Variants in IMMP2L observed in about 807,000 individuals in gnomAD.
IMMP2L encodes the protein inner mitochondrial membrane peptidase subunit 2.
IMMP2L carries 18 observed loss-of-function variants against 19.3 expected under a neutral mutation model. That is an observed-to-expected ratio of 0.93 (90% CI 0.64 to 1.38). The LOEUF is 1.38. IMMP2L is among the 40% of genes most tolerant of loss of function. IMMP2L has a pLI of 0.00. For synonymous variants in IMMP2L, 76 were observed against 73.0 expected (o/e 1.04, Z -0.21); for missense variants, 233 against 218.2 (o/e 1.07, Z -0.43).
chr7:110,699,508 G>A (rs958391072), intron 5 of IMMP2L, among the ~76,000 whole-genome samples: 10 of 151,938 alleles, frequency 6.6e-5, no homozygotes, highest in Non-Finnish European at 1.2e-4. Context: ...GCAGTGGCTC[G>A]CGCCTTAATT....
In IMMP2L at chr7:111,395,198, C is replaced by A. The variant is rs192595369; in HGVS notation, c.239+92040G>T. Among the ~76,000 whole-genome samples, 53 of 152,296 alleles carry A rather than the reference C, an allele frequency of 3.5e-4. 1 individual carries two copies. Among genetic ancestry groups the A allele is most frequent in the African/African-American group, 1.1e-3 (47 of 41,570 alleles). On this transcript the variant is annotated intron_variant, in intron 3 of 5. Coordinates refer to ENST00000405709, the MANE Select transcript of IMMP2L (RefSeq NM_032549.4). Reference sequence around the variant, plus strand: ...GCCAAAGGAGTCAAGAGTAGTCAGACAGAGCAGGTGTGGCCAATTGCCTCA... The same window carrying A: ...GCCAAAGGAGTCAAGAGTAGTCAGAAAGAGCAGGTGTGGCCAATTGCCTCA...
At chr7:111,071,446 T>C (rs1304931910) in intron 3 of IMMP2L, among the ~76,000 whole-genome samples, 4 of 152,120 alleles carry the variant, frequency 2.6e-5, no homozygotes, top group Non-Finnish European at 1.5e-5. Context: ...TGAATGTTCA[T>C]AGCCGCACTA....
At chr7:110,734,179 A>G (rs1341410645) in intron 5 of IMMP2L, among the ~76,000 whole-genome samples, 1 of 152,232 alleles carries the variant, frequency 6.6e-6, no homozygotes, top group East Asian at 1.9e-4. Flanking sequence ...TGAGAGCTCA[A>G]AGAAGAAGAG....
At chr7:111,391,829 C>T (rs1026343478) in intron 3 of IMMP2L, 32 of 701,596 alleles carry the variant, frequency 4.6e-5, no homozygotes, top group African/African-American at 8.7e-5. Flanking sequence ...TATGACAACA[C>T]GACCATACCT....
At chr7:111,250,416 T>C (rs1208518043) in intron 3 of IMMP2L, among the ~76,000 whole-genome samples, 1 of 152,186 alleles carries the variant, frequency 6.6e-6, no homozygotes, top group Admixed American at 6.5e-5. Flanking sequence ...TTAAAATTCA[T>C]ATGAAACCCA....
chr7:110,840,386 T>C (rs2131443160), intron 5 of IMMP2L, among the ~76,000 whole-genome samples: 1 of 152,280 alleles, frequency 6.6e-6, no homozygotes, highest in East Asian at 1.9e-4. Flanking sequence ...ACAGATGATC[T>C]ATTAAGGCTC....
At chr7:110,836,293 A>G (rs564630676) in intron 5 of IMMP2L, among the ~76,000 whole-genome samples, 1 of 152,212 alleles carries the variant, frequency 6.6e-6, no homozygotes, top group Non-Finnish European at 1.5e-5. Flanking sequence ...GTATTGTCAT[A>G]AATTGGGGGG....
At chr7:111,377,857 T>A (rs1438766759) in intron 3 of IMMP2L, among the ~76,000 whole-genome samples, 1 of 152,004 alleles carries the variant, frequency 6.6e-6, no homozygotes, top group African/African-American at 2.4e-5. Flanking sequence ...CAACTACACA[T>A]CCACATATAT....
intron 3 of IMMP2L, among the ~76,000 whole-genome samples, chr7:111,442,720 T>C (rs1263540838): frequency 6.6e-6 from 1 of 151,852 alleles, no homozygotes; most frequent in Non-Finnish European, 1.5e-5. Flanking sequence ...ATAAAGCACA[T>C]GATACTATAA....
intron 5 of IMMP2L, among the ~76,000 whole-genome samples, chr7:110,736,665 A>C (rs1180059500): frequency 2.0e-5 from 3 of 152,194 alleles, no homozygotes; most frequent in African/African-American, 7.2e-5. Flanking sequence ...ATTTGTACTT[A>C]CTTGCCACCT....
At chr7:110,776,500 C>T (rs1356127356) in intron 5 of IMMP2L, among the ~76,000 whole-genome samples, 1 of 151,936 alleles carries the variant, frequency 6.6e-6, no homozygotes, top group Non-Finnish European at 1.5e-5. Context: ...GCTTTCTGAT[C>T]CTACCACTAT....
chr7:111,326,049 A>AT (rs928665813), intron 3 of IMMP2L, among the ~76,000 whole-genome samples: 2 of 151,704 alleles, frequency 1.3e-5, no homozygotes, highest in African/African-American at 2.4e-5. Flanking sequence ...TATGTACAGT[A>AT]TTTTTTTATG....
intron 1 of IMMP2L, among the ~76,000 whole-genome samples, chr7:111,546,206 C>G (rs1429524586): frequency 6.6e-6 from 1 of 152,004 alleles, no homozygotes; most frequent in African/African-American, 2.4e-5. Context: ...AGGATACAAT[C>G]TAGTAGAAAA....
rs576657240 is a variant in IMMP2L at position 111,524,087 on chromosome 7, G to C, written c.-2-2638C>G. ...TAACCTTGACATATTTATCAAATCA[G>C]TACCTTCAAGATGCAAAAGATGCAT... is the stretch of plus-strand genomic sequence containing the variant. On this transcript the variant is annotated intron_variant, in intron 1 of 5. Coordinates refer to ENST00000405709, the MANE Select transcript of IMMP2L (RefSeq NM_032549.4). 2.0e-5 allele frequency among the ~76,000 whole-genome samples: 3 copies of C among 152,042 alleles called. 1 individual carries two copies. The South Asian group carries it at 6.2e-4, about 32-fold the overall frequency.
intron 3 of IMMP2L, among the ~76,000 whole-genome samples, chr7:110,966,614 T>C (rs916354344): frequency 2.0e-5 from 3 of 152,056 alleles, no homozygotes; most frequent in South Asian, 2.1e-4. Flanking sequence ...GGGAGCTATC[T>C]ATATAATTAA....
At chr7:111,376,988 CTG>C (rs1830732436) in intron 3 of IMMP2L, among the ~76,000 whole-genome samples, 1 of 151,834 alleles carries the variant, frequency 6.6e-6, no homozygotes, top group Non-Finnish European at 1.5e-5. Context: ...ATGTACAACT[CTG>C]TGAATATACT....
chr7:110,949,562 T>C (rs1398401235), intron 4 of IMMP2L, among the ~76,000 whole-genome samples: 1 of 152,112 alleles, frequency 6.6e-6, no homozygotes, highest in East Asian at 1.9e-4. Flanking sequence ...CCAACATCTG[T>C]TTTTGTACAT....
intron 4 of IMMP2L, among the ~76,000 whole-genome samples, chr7:110,909,794 CT>C (rs1812846099): frequency 6.6e-6 from 1 of 151,992 alleles, no homozygotes; most frequent in Admixed American, 6.6e-5. Flanking sequence ...CTCTACCTAC[CT>C]TTCCCACCAT....
At chr7:111,028,409 TATACAAA>T (rs1827078588) in intron 3 of IMMP2L, among the ~76,000 whole-genome samples, 2 of 152,114 alleles carry the variant, frequency 1.3e-5, no homozygotes, top group Non-Finnish European at 2.9e-5. Flanking sequence ...GTCTACATAT[TATACAAA>T]TTAGATCTTG....
Sources: allele counts gnomAD v4.1 joint callset (sites outside exome capture counted in the v4.1 genomes callset), GRCh38; gene constraint gnomAD v4.1.1; transcripts MANE v1.5; gene names NCBI Gene and HGNC (gene_info 2026-07-23, HGNC 2026-07-21).